GABRG2: variants seen among roughly 807,000 people sequenced by gnomAD.
The protein encoded by GABRG2 is gamma-aminobutyric acid receptor subunit gamma-2.
In GABRG2, 16 loss-of-function variants were observed where a neutral mutation model predicts 56.4. That is an observed-to-expected ratio of 0.28 (90% CI 0.19 to 0.43). The LOEUF (loss-of-function observed/expected upper bound fraction) is 0.43. Among genes scored for constraint, GABRG2 ranks in the 20% least tolerant of loss-of-function variants. The probability of loss-of-function intolerance (pLI) is 1.00; values close to 1 mark genes in which losing one functional copy is unlikely to be tolerated. For missense variants in GABRG2, 327 were observed against 582.7 expected, an observed-to-expected ratio of 0.56 and a Z score of 4.52; for synonymous variants, 208 against 205.5, an observed-to-expected ratio of 1.01 and a Z score of -0.10.
At chr5:162,129,830 A>G (rs1342617131) in intron 6 of GABRG2, among the ~76,000 whole-genome samples, 5 of 152,000 alleles carry the variant, frequency 3.3e-5, no homozygotes, top group Non-Finnish European at 1.5e-5. Context: ...CAACACTATG[A>G]ATTTTTAAAT....
At chr5:162,069,208 T>C (rs1018392630) in intron 1 of GABRG2, among the ~76,000 whole-genome samples, 2 of 152,150 alleles carry the variant, frequency 1.3e-5, no homozygotes, top group African/African-American at 4.8e-5. Flanking sequence ...CCTTCCCCGC[T>C]CTCCAAGCTT....
At chr5:162,069,509 T>G (rs527717553) in intron 1 of GABRG2, among the ~76,000 whole-genome samples, 81 of 152,250 alleles carry the variant, frequency 5.3e-4, no homozygotes, top group Non-Finnish European at 1.1e-3. Flanking sequence ...CCCCCTCTTC[T>G]GTAAGATGGG....
At chr5:162,133,492 G>A (rs1763901645) in intron 6 of GABRG2, among the ~76,000 whole-genome samples, 1 of 152,092 alleles carries the variant, frequency 6.6e-6, no homozygotes, top group Non-Finnish European at 1.5e-5. Flanking sequence ...GTTTGCAGGA[G>A]TTACAGTTAA....
chr5:162,079,008 A>G (rs759887890), intron 1 of GABRG2, among the ~76,000 whole-genome samples: 91 of 150,094 alleles, frequency 6.1e-4, no homozygotes, highest in Non-Finnish European at 1.1e-3. Context: ...AATTAAATAG[A>G]TTAATATTAT....
chr5:162,126,050 A>G (rs576290129), intron 6 of GABRG2, among the ~76,000 whole-genome samples: 62 of 152,004 alleles, frequency 4.1e-4, no homozygotes, highest in Non-Finnish European at 8.4e-4. Context: ...CCATCCATCT[A>G]GAGAAATTTA....
At chr5:162,109,396 A>T (rs1762082653) in intron 6 of GABRG2, among the ~76,000 whole-genome samples, 1 of 21,750 alleles carries the variant, frequency 4.6e-5, no homozygotes, top group African/African-American at 9.9e-5. Flanking sequence ...TATAATATAT[A>T]TATATATATA....
At chr5:162,088,707 C>T (rs1760325405) in intron 1 of GABRG2, among the ~76,000 whole-genome samples, 1 of 152,044 alleles carries the variant, frequency 6.6e-6, no homozygotes, top group Non-Finnish European at 1.5e-5. Flanking sequence ...ATTTCTTTCT[C>T]AAAGCCGTGA....
At position 162,148,967 on chromosome 5, in the gene GABRG2, T is replaced by G. The variant is rs11575992; in HGVS notation, c.923-141T>G. On this transcript the variant is annotated intron_variant, in intron 7 of 9. Coordinates refer to ENST00000639213, the MANE Select transcript of GABRG2 (RefSeq NM_198904.4). The stretch of plus-strand genomic sequence containing the variant: ...AGGCAATAAATATTTGTAAATAGAG[T>G]GAATTAAATCCACTTATACCTCCTT... 4.5e-5 allele frequency: 33 copies of G among 734,942 alleles called. No homozygotes were observed. In the African/African-American group the frequency reaches 5.7e-4, roughly 13 times the overall value. 45.5% of individuals were successfully genotyped at this position (734,942 alleles called of 1,614,324 possible).
In GABRG2 at chr5:162,067,804, C is replaced by T. The variant is rs1478556756; in HGVS notation, c.-196C>T. 2.7e-5 allele frequency: 17 copies of T among 619,274 alleles called. No homozygotes were observed. The highest frequency in any genetic ancestry group is 4.8e-5 in the Non-Finnish European group (17 of 351,270). The allele number at this position is 619,274 out of a possible 1,614,324, so 38.4% of individuals were successfully genotyped here. ...GTGACGCTTTGATGGTATCTGCAAG[C>T]GTTTTTGCTGATCTTATCTCTGCCC... On this transcript the variant is annotated 5_prime_UTR_variant, in exon 1 of 10. Transcript: ENST00000639213.
At chr5:162,119,091 A>G (rs892084874) in intron 6 of GABRG2, among the ~76,000 whole-genome samples, 1 of 152,134 alleles carries the variant, frequency 6.6e-6, no homozygotes, top group African/African-American at 2.4e-5. Flanking sequence ...ACTTTCAGAT[A>G]AGGAATATAG....
chr5:162,128,980 C>T (rs1328325786), intron 6 of GABRG2, among the ~76,000 whole-genome samples: 1 of 151,948 alleles, frequency 6.6e-6, no homozygotes, highest in Admixed American at 6.6e-5. Flanking sequence ...GATATTCTTT[C>T]TAACTGCAAA....
chr5:162,122,320 G>A (rs1030242142), intron 6 of GABRG2, among the ~76,000 whole-genome samples: 5 of 151,562 alleles, frequency 3.3e-5, no homozygotes, highest in Admixed American at 2.0e-4. Flanking sequence ...CCTCTGCTGC[G>A]GTGTTGCACC....
In GABRG2 at chr5:162,074,845, G is replaced by T. The variant is rs376881732; in HGVS notation, c.107+6739G>T. ...CCCCAGGAATTTTCTAACCACTCTT[G>T]TTTAGAGAATGCTAAGAGGTTGTAA... On this transcript the variant is annotated intron_variant, in intron 1 of 9. Coordinates refer to ENST00000639213, the MANE Select transcript of GABRG2 (RefSeq NM_198904.4). Among the ~76,000 whole-genome samples the T allele has an allele frequency of 1.8e-4, 27 of 152,210 alleles. No individual in the cohort carries two copies. The East Asian group carries it at 5.0e-3, about 28-fold the overall frequency.
intron 6 of GABRG2, among the ~76,000 whole-genome samples, chr5:162,120,260 A>C (rs1036193973): frequency 1.3e-5 from 2 of 152,110 alleles, no homozygotes; most frequent in Non-Finnish European, 2.9e-5. Context: ...TACATCTGTC[A>C]TCTGTCTGTA....
rs527753246 is a variant in GABRG2 at position 162,070,975 on chromosome 5, T to C, written c.107+2869T>C. Among the ~76,000 whole-genome samples the C allele has an allele frequency of 5.3e-5, 8 of 150,024 alleles. No individual in the cohort carries two copies. The South Asian group carries it at 1.7e-3, about 32-fold the overall frequency. On this transcript the variant is annotated intron_variant, in intron 1 of 9. Coordinates refer to ENST00000639213, the MANE Select transcript of GABRG2 (RefSeq NM_198904.4). ...AAAGGTGTTTTGATTATTCATACTTTATTATTCAGTTGGGCAGAATGAATC... is the reference window on the plus strand; with the variant it reads ...AAAGGTGTTTTGATTATTCATACTTCATTATTCAGTTGGGCAGAATGAATC...
At chr5:162,105,491 G>A (rs540683145) in intron 6 of GABRG2, among the ~76,000 whole-genome samples, 8 of 137,786 alleles carry the variant, frequency 5.8e-5, no homozygotes, top group African/African-American at 1.3e-4. Context: ...GTGCAGTGGC[G>A]AGATCTCTGC....
intron 1 of GABRG2, among the ~76,000 whole-genome samples, chr5:162,085,916 T>G (rs1760062104): frequency 6.6e-6 from 1 of 151,944 alleles, no homozygotes; most frequent in Admixed American, 6.6e-5. Flanking sequence ...ATCTCATTGT[T>G]TTTTTATGGC....
intron 6 of GABRG2, among the ~76,000 whole-genome samples, chr5:162,132,787 T>C (rs1320140863): frequency 2.6e-5 from 4 of 152,070 alleles, no homozygotes; most frequent in Non-Finnish European, 4.4e-5. Context: ...AAGAATGGAA[T>C]ATGAATTCAC....
At chr5:162,147,496 C>T (rs1765052155) in intron 7 of GABRG2, among the ~76,000 whole-genome samples, 1 of 152,064 alleles carries the variant, frequency 6.6e-6, no homozygotes, top group Non-Finnish European at 1.5e-5. Flanking sequence ...CCTCGAGTAG[C>T]TGGGATTACA....
Sources: gnomAD v4.1 joint callset for allele counts (sites outside exome capture counted in the v4.1 genomes callset) on GRCh38, gnomAD v4.1.1 for gene constraint, MANE v1.5 for transcripts, NCBI Gene and HGNC (gene_info 2026-07-23, HGNC 2026-07-21) for gene names.